Variants in EPHB1 observed in about 807,000 individuals in gnomAD.
EPHB1 encodes ephrin type-B receptor 1.
In EPHB1, 30 loss-of-function variants were observed where a neutral mutation model predicts 94.4. The observed-to-expected ratio is 0.32, with a 90% CI of 0.24 to 0.43. EPHB1 has a LOEUF of 0.43. Among genes scored for constraint, EPHB1 ranks in the 20% least tolerant of loss-of-function variants. The pLI is 1.00. For missense variants in EPHB1, 1,055 were observed against 1,308.3 expected (o/e 0.81, Z 2.99); for synonymous variants, 522 against 489.1 (o/e 1.07, Z -0.89).
chr3:134,998,514 T>G (rs190383760), intron 3 of EPHB1, among the ~76,000 whole-genome samples: 200 of 152,306 alleles, frequency 1.3e-3, no homozygotes, highest in African/African-American at 4.5e-3. Flanking sequence ...GGAGGTTTTC[T>G]CAAACCATCT....
chr3:134,939,520 GTAGATCCCTCT>G (rs1317307860), intron 2 of EPHB1, among the ~76,000 whole-genome samples: 1 of 152,202 alleles, frequency 6.6e-6, no homozygotes, highest in East Asian at 1.9e-4. Flanking sequence ...GTAGTAAATG[GTAGATCCCTCT>G]GGGCTTGTAG....
intron 1 of EPHB1, among the ~76,000 whole-genome samples, chr3:134,866,741 T>C (rs1356407847): frequency 6.6e-6 from 1 of 152,252 alleles, no homozygotes; most frequent in East Asian, 1.9e-4. Context: ...GAAACAAATT[T>C]GTTTTCATCA....
At chr3:135,004,522 G>A (rs1338569630) in intron 3 of EPHB1, among the ~76,000 whole-genome samples, 2 of 152,164 alleles carry the variant, frequency 1.3e-5, no homozygotes, top group African/African-American at 4.8e-5. Flanking sequence ...CTAGATTTGG[G>A]AAGTTCTCCT....
chr3:134,976,557 G>A (rs572017507), intron 3 of EPHB1, among the ~76,000 whole-genome samples: 1 of 152,134 alleles, frequency 6.6e-6, no homozygotes, highest in African/African-American at 2.4e-5. Flanking sequence ...TTTATCTAGC[G>A]AGCTTCTCTG....
At chr3:135,189,978 C>G (rs546433621) in intron 10 of EPHB1, among the ~76,000 whole-genome samples, 3 of 152,292 alleles carry the variant, frequency 2.0e-5, no homozygotes, top group African/African-American at 7.2e-5. Flanking sequence ...GGGACCTGCA[C>G]ATTTGGGGCA....
rs139188116 is a variant in EPHB1 at position 134,884,332 on chromosome 3, G to A, written c.59-41484G>A. ...GTACTGCTGGAAGAATTCTGGGCAT[G>A]AGTGATCATAATTCTATTACTTTAT... On this transcript the variant is annotated intron_variant, in intron 1 of 15. Transcript: ENST00000398015. 1.2e-4 allele frequency among the ~76,000 whole-genome samples: 19 copies of A among 152,350 alleles called. No homozygotes were observed. The Middle Eastern group carries it at 0.01, about 82-fold the overall frequency.
intron 1 of EPHB1, among the ~76,000 whole-genome samples, chr3:134,823,147 A>T (rs2036413568): frequency 6.6e-6 from 1 of 152,160 alleles, no homozygotes; most frequent in Non-Finnish European, 1.5e-5. Flanking sequence ...CTCTCAGATA[A>T]TTGCTTTTGC....
intron 13 of EPHB1, among the ~76,000 whole-genome samples, 186 bp from the exon 14 acceptor site, chr3:135,248,130 G>A (rs549700457): frequency 9.3e-4 from 141 of 152,324 alleles, no homozygotes; most frequent in Non-Finnish European, 1.8e-3. Flanking sequence ...TGCTTTCTAG[G>A]AGCCCAATGT....
At chr3:135,044,854 T>C (rs1026543682) in intron 3 of EPHB1, among the ~76,000 whole-genome samples, 4 of 152,124 alleles carry the variant, frequency 2.6e-5, no homozygotes, top group East Asian at 1.9e-4. Flanking sequence ...TGATGCATTA[T>C]AGTATAGAAA....
At chr3:134,984,519 GA>G (rs1464658668) in intron 3 of EPHB1, among the ~76,000 whole-genome samples, 1 of 152,174 alleles carries the variant, frequency 6.6e-6, no homozygotes, top group Non-Finnish European at 1.5e-5. Context: ...AGCCTTTCTG[GA>G]AGATCTGGGA....
intron 15 of EPHB1, among the ~76,000 whole-genome samples, chr3:135,250,706 CACACACACAT>C (rs1226785267): frequency 2.6e-5 from 4 of 152,006 alleles, no homozygotes; most frequent in African/African-American, 9.7e-5. Context: ...ACCCTTCAAA[CACACACACAT>C]ACACACACAC....
intron 3 of EPHB1, among the ~76,000 whole-genome samples, chr3:135,011,184 G>A (rs1935606995): frequency 6.6e-6 from 1 of 152,204 alleles, no homozygotes; most frequent in African/African-American, 2.4e-5. Flanking sequence ...CATGGACATT[G>A]CTTCAGTGTC....
intron 3 of EPHB1, among the ~76,000 whole-genome samples, chr3:135,033,568 A>G (rs1176130982): frequency 2.0e-5 from 3 of 152,210 alleles, no homozygotes; most frequent in Non-Finnish European, 4.4e-5. Context: ...ACCACTGTTC[A>G]TTGAGGACCT....
At chr3:135,004,520 G>A (rs987929353) in intron 3 of EPHB1, among the ~76,000 whole-genome samples, 1 of 152,060 alleles carries the variant, frequency 6.6e-6, no homozygotes, top group Non-Finnish European at 1.5e-5. Context: ...TGCTAGATTT[G>A]GGAAGTTCTC....
intron 5 of EPHB1, among the ~76,000 whole-genome samples, chr3:135,139,957 C>T (rs1214784970): frequency 6.6e-6 from 1 of 152,180 alleles, no homozygotes. Flanking sequence ...GCTTGTGATG[C>T]TGCTAATAGC....
At chr3:134,844,106 G>A in intron 1 of EPHB1, among the ~76,000 whole-genome samples, 1 of 152,228 alleles carries the variant, frequency 6.6e-6, no homozygotes, top group East Asian at 1.9e-4. Flanking sequence ...TGTGAAATAT[G>A]TCTTCTCTAT....
In EPHB1 at chr3:134,811,893, G is replaced by A. The variant is rs557199671; in HGVS notation, c.58+16204G>A. ...GTCCAGGAGGCCCCCTATTGAGCAG[G>A]TATTAGCCCTGCTGTTGGATATCCT... is the stretch of plus-strand genomic sequence containing the variant. On this transcript the variant is annotated intron_variant, in intron 1 of 15. Transcript: ENST00000398015. 2.0e-5 allele frequency among the ~76,000 whole-genome samples: 3 copies of A among 152,298 alleles called. No homozygotes were observed. In the South Asian group the frequency reaches 6.2e-4, roughly 32 times the overall value.
chr3:135,244,519 C>T (rs1241572814), intron 13 of EPHB1, among the ~76,000 whole-genome samples: 1 of 152,170 alleles, frequency 6.6e-6, no homozygotes, highest in Non-Finnish European at 1.5e-5. Flanking sequence ...GTAGGACACC[C>T]TATGCCTCCA....
rs144642843 is a variant in EPHB1 at position 134,929,562 on chromosome 3, G to A, written c.123+3682G>A. ...AATGGCAGGACTGAAGGGGCCAGGGGCTGAGGATGCTGGCACCTTATTTCA... is the reference window on the plus strand; with the variant it reads ...AATGGCAGGACTGAAGGGGCCAGGGACTGAGGATGCTGGCACCTTATTTCA... On this transcript the variant is annotated intron_variant, in intron 2 of 15. Transcript: ENST00000398015. Among the ~76,000 whole-genome samples the A allele has an allele frequency of 2.0e-5, 3 of 152,346 alleles. No homozygotes were observed. In the East Asian group the frequency reaches 5.8e-4, roughly 29 times the overall value.
Sources: allele counts gnomAD v4.1 joint callset (sites outside exome capture counted in the v4.1 genomes callset), GRCh38; gene constraint gnomAD v4.1.1; transcripts MANE v1.5; gene names NCBI Gene and HGNC (gene_info 2026-07-23, HGNC 2026-07-21).